The following PDE4B variants were observed in gnomAD, a reference collection of about 807,000 sequenced individuals.
PDE4B encodes 3',5'-cyclic-AMP phosphodiesterase 4B.
In PDE4B, 20 loss-of-function variants were observed where a neutral mutation model predicts 82.2. The observed-to-expected ratio is 0.24, with a 90% CI of 0.17 to 0.35. The LOEUF is 0.35. Ranked by LOEUF, PDE4B falls within the 10% of genes least tolerant of loss-of-function variation. The probability of loss-of-function intolerance (pLI) is 1.00; values close to 1 mark genes in which losing one functional copy is unlikely to be tolerated. For synonymous variants in PDE4B, 320 were observed against 318.9 expected, an observed-to-expected ratio of 1.00 and a Z score of -0.04; for missense variants, 655 against 907.2, an observed-to-expected ratio of 0.72 and a Z score of 3.57.
In PDE4B at chr1:66,199,489, T is replaced by C. The variant is rs375491476; in HGVS notation, c.282-47971T>C. ...GTTTGTTTTTTTCTTGTAAATTTGTTTGAGTTCATTGTAGATTCTGGATAT... is the reference window on the plus strand; with the variant it reads ...GTTTGTTTTTTTCTTGTAAATTTGTCTGAGTTCATTGTAGATTCTGGATAT... On this transcript the variant is annotated intron_variant, in intron 3 of 16. Coordinates refer to ENST00000341517, the MANE Select transcript of PDE4B (RefSeq NM_002600.4). Among the ~76,000 whole-genome samples the C allele has an allele frequency of 2.6e-5, 4 of 152,314 alleles. No individual in the cohort carries two copies. In the East Asian group the frequency reaches 5.8e-4, roughly 22 times the overall value.
At chr1:66,135,122 CATG>C (rs1398763475) in intron 3 of PDE4B, among the ~76,000 whole-genome samples, 6 of 152,094 alleles carry the variant, frequency 3.9e-5, no homozygotes, top group African/African-American at 1.4e-4. Context: ...AGCAAGCACC[CATG>C]TGTTGGTGTG....
intron 7 of PDE4B, among the ~76,000 whole-genome samples, chr1:66,305,743 C>T (rs1658227585): frequency 6.6e-6 from 1 of 152,076 alleles, no homozygotes; most frequent in South Asian, 2.1e-4. Context: ...CCTGGTAACT[C>T]CTTAATAACA....
intron 7 of PDE4B, among the ~76,000 whole-genome samples, chr1:66,320,275 T>C (rs1470837253): frequency 6.6e-6 from 1 of 152,090 alleles, no homozygotes; most frequent in Non-Finnish European, 1.5e-5. Context: ...TTCTAGTAAC[T>C]CTTGGTGCAC....
At chr1:65,903,903 C>A (rs1365432518) in intron 1 of PDE4B, among the ~76,000 whole-genome samples, 2 of 152,168 alleles carry the variant, frequency 1.3e-5, no homozygotes, top group African/African-American at 4.8e-5. Flanking sequence ...AATTATATTT[C>A]AGTTAAGCCA....
At chr1:66,321,034 A>C (rs950853785) in intron 7 of PDE4B, among the ~76,000 whole-genome samples, 2 of 152,134 alleles carry the variant, frequency 1.3e-5, no homozygotes, top group African/African-American at 4.8e-5. Flanking sequence ...AGCCATTTAA[A>C]CCATCCAACT....
In PDE4B at chr1:66,332,001, G is replaced by A. The variant is rs1660149596; in HGVS notation, c.635-507G>A. 3.9e-6 allele frequency: 4 copies of A among 1,035,666 alleles called. No individual in the cohort carries two copies. In the South Asian group the frequency reaches 1.1e-4, roughly 28 times the overall value. 64.2% of individuals were successfully genotyped at this position (1,035,666 alleles called of 1,614,324 possible). ...GACTGCCTAGACTTTGAACGTAATGGTCAACCAGTTTTCACCCGAATTTTG... is the reference window on the plus strand; with the variant it reads ...GACTGCCTAGACTTTGAACGTAATGATCAACCAGTTTTCACCCGAATTTTG... On this transcript the variant is annotated intron_variant, in intron 7 of 16. Coordinates refer to ENST00000341517, the MANE Select transcript of PDE4B (RefSeq NM_002600.4).
intron 3 of PDE4B, among the ~76,000 whole-genome samples, chr1:65,948,056 G>A (rs1413984108): frequency 6.6e-6 from 1 of 150,382 alleles, no homozygotes; most frequent in Non-Finnish European, 1.5e-5. Flanking sequence ...TCGTGGAAGT[G>A]TCTTACTGGC....
At chr1:66,013,127 T>C (rs1044491971) in intron 3 of PDE4B, among the ~76,000 whole-genome samples, 1 of 152,130 alleles carries the variant, frequency 6.6e-6, no homozygotes, top group Non-Finnish European at 1.5e-5. Flanking sequence ...TCTATTATTA[T>C]CTTCCCAGAA....
rs147701920 is a variant in PDE4B, at chr1:66,253,007, A to G, written c.477-4640A>G. Among the ~76,000 whole-genome samples the G allele has an allele frequency of 5.5e-3, 840 of 152,340 alleles. 10 individuals carry two copies. Among genetic ancestry groups the G allele is most frequent in the African/African-American group, 0.019 (784 of 41,572 alleles). ...GTTGAGGACCATCCATATAAAAATAAAGATACCTACTGGTATTGATAATAA... is the reference window on the plus strand; with the variant it reads ...GTTGAGGACCATCCATATAAAAATAGAGATACCTACTGGTATTGATAATAA... On this transcript the variant is annotated intron_variant, in intron 4 of 16. Transcript: ENST00000341517.
intron 8 of PDE4B, among the ~76,000 whole-genome samples, chr1:66,336,768 C>G (rs1387671542): frequency 6.6e-6 from 1 of 152,178 alleles, no homozygotes; most frequent in Non-Finnish European, 1.5e-5. Flanking sequence ...CTACAGATAA[C>G]CATCATGAGG....
chr1:65,994,154 T>G (rs1410085491), intron 3 of PDE4B, among the ~76,000 whole-genome samples: 3 of 152,148 alleles, frequency 2.0e-5, no homozygotes, highest in Admixed American at 1.3e-4. Flanking sequence ...CCAATCAACA[T>G]TATAAATTGA....
At chr1:65,972,181 G>T (rs778556306) in intron 3 of PDE4B, among the ~76,000 whole-genome samples, 5 of 151,908 alleles carry the variant, frequency 3.3e-5, no homozygotes, top group Non-Finnish European at 7.4e-5. Flanking sequence ...TTGCACTTTC[G>T]CATAGAAGTG....
intron 3 of PDE4B, among the ~76,000 whole-genome samples, chr1:66,051,253 G>T (rs1655011263): frequency 1.3e-5 from 2 of 152,072 alleles, no homozygotes; most frequent in Admixed American, 1.3e-4. Context: ...AACAAAATAA[G>T]TGAAAGTATT....
chr1:65,925,807 G>A (rs1347027598), intron 3 of PDE4B, among the ~76,000 whole-genome samples: 2 of 152,116 alleles, frequency 1.3e-5, no homozygotes, highest in East Asian at 3.9e-4. Context: ...GTCTCTAGGG[G>A]CACTGGGGCA....
At chr1:66,003,852 C>T (rs1652003536) in intron 3 of PDE4B, among the ~76,000 whole-genome samples, 1 of 152,128 alleles carries the variant, frequency 6.6e-6, no homozygotes, top group Admixed American at 6.6e-5. Flanking sequence ...AATTCATATG[C>T]AAATTTCAGT....
chr1:66,229,308 C>A (rs946987967), intron 3 of PDE4B, among the ~76,000 whole-genome samples: 1 of 152,080 alleles, frequency 6.6e-6, no homozygotes, highest in Non-Finnish European at 1.5e-5. Context: ...CATGCCCGGC[C>A]CCCCAGAGGC....
At chr1:65,810,570 G>C (rs1395271553) in intron 1 of PDE4B, among the ~76,000 whole-genome samples, 1 of 152,028 alleles carries the variant, frequency 6.6e-6, no homozygotes, top group Non-Finnish European at 1.5e-5. Flanking sequence ...GTTTCAGTAT[G>C]TTCCAGGTAT....
chr1:65,811,296 G>A (rs1645816456), intron 1 of PDE4B, among the ~76,000 whole-genome samples: 2 of 152,158 alleles, frequency 1.3e-5, no homozygotes, highest in African/African-American at 4.8e-5. Flanking sequence ...TATGACTTTG[G>A]ACTAATTTTT....
At chr1:66,223,070 G>A (rs1201396457) in intron 3 of PDE4B, among the ~76,000 whole-genome samples, 3 of 152,176 alleles carry the variant, frequency 2.0e-5, no homozygotes, top group Admixed American at 1.3e-4. Flanking sequence ...TTCACACAAT[G>A]TGTGCCAGGT....
Sources: allele counts gnomAD v4.1 joint callset (sites outside exome capture counted in the v4.1 genomes callset), GRCh38; gene constraint gnomAD v4.1.1; transcripts MANE v1.5; gene names NCBI Gene and HGNC (gene_info 2026-07-23, HGNC 2026-07-21).